The following ZMAT4 variants were observed in gnomAD, a reference collection of about 807,000 sequenced individuals.
ZMAT4 encodes the protein zinc finger matrin-type 4, also known as zinc finger matrin-type protein 4.
In ZMAT4, 17 loss-of-function variants were observed where a neutral mutation model predicts 28.7. The observed-to-expected ratio is 0.59, with a 90% CI of 0.41 to 0.89. The LOEUF is 0.89. Among genes scored for constraint, ZMAT4 ranks in the 40% least tolerant of loss-of-function variants. The pLI, the probability that ZMAT4 is intolerant of heterozygous loss-of-function variation, is 0.00. For missense variants in ZMAT4, 240 were observed against 283.8 expected (o/e 0.85, Z 1.11); for synonymous variants, 117 against 109.2 (o/e 1.07, Z -0.44).
At chr8:40,812,163 C>G (rs909369166) in intron 2 of ZMAT4, among the ~76,000 whole-genome samples, 5 of 152,066 alleles carry the variant, frequency 3.3e-5, no homozygotes, top group African/African-American at 1.2e-4. Context: ...TACATGCCTA[C>G]ATACACTGTG....
At chr8:40,769,511 T>C (rs972613437) in intron 2 of ZMAT4, among the ~76,000 whole-genome samples, 1 of 152,128 alleles carries the variant, frequency 6.6e-6, no homozygotes, top group Non-Finnish European at 1.5e-5. Context: ...ACTACTACAG[T>C]CAAAAGAATA....
At chr8:40,780,290 T>A (rs185943396) in intron 2 of ZMAT4, among the ~76,000 whole-genome samples, 39 of 152,244 alleles carry the variant, frequency 2.6e-4, no homozygotes, top group Admixed American at 6.5e-4. Flanking sequence ...CTGGCAAAAA[T>A]CATCTACCAC....
intron 5 of ZMAT4, among the ~76,000 whole-genome samples, chr8:40,596,431 CATTTT>C (rs1803129032): frequency 1.3e-5 from 2 of 152,184 alleles, no homozygotes; most frequent in African/African-American, 4.8e-5. Flanking sequence ...TGTACAAAAA[CATTTT>C]ATTTCCTTAT....
rs147913857 is a variant in ZMAT4, at chr8:40,683,986, T to C, written c.350-9055A>G. Among the ~76,000 whole-genome samples, 159 of 151,996 alleles carry C rather than the reference T, an allele frequency of 1.0e-3. 2 individuals are homozygous for C. The East Asian group carries it at 0.027, about 26-fold the overall frequency. On this transcript the variant is annotated intron_variant, in intron 4 of 6. Coordinates refer to ENST00000297737, the MANE Select transcript of ZMAT4 (RefSeq NM_024645.3). ...GAGGGGCTTAGATGGGAGGATTGCT[T>C]GATCCCATAAGGTCAAGGCTACAGT...
chr8:40,730,371 T>C (rs893898758), intron 3 of ZMAT4, among the ~76,000 whole-genome samples: 10 of 152,204 alleles, frequency 6.6e-5, no homozygotes, highest in African/African-American at 2.2e-4. Context: ...TGAAGATGAA[T>C]TGATTTAAAT....
At chr8:40,867,178 T>A (rs1817702151) in intron 1 of ZMAT4, among the ~76,000 whole-genome samples, 2 of 152,220 alleles carry the variant, frequency 1.3e-5, no homozygotes, top group South Asian at 4.1e-4. Flanking sequence ...ATCTTTTGGC[T>A]TTCTTGGGCC....
intron 5 of ZMAT4, among the ~76,000 whole-genome samples, chr8:40,649,021 G>C (rs909610325): frequency 7.0e-6 from 1 of 142,838 alleles, no homozygotes; most frequent in Non-Finnish European, 1.5e-5. Flanking sequence ...ATCAACTAAC[G>C]AGCAAAATAA....
chr8:40,776,166 C>G (rs1026476341), intron 2 of ZMAT4, among the ~76,000 whole-genome samples: 1 of 152,220 alleles, frequency 6.6e-6, no homozygotes, highest in Non-Finnish European at 1.5e-5. Flanking sequence ...TGGGGTCTTT[C>G]TTCTTCTACA....
At chr8:40,836,571 G>A (rs1157999595) in intron 1 of ZMAT4, among the ~76,000 whole-genome samples, 1 of 152,088 alleles carries the variant, frequency 6.6e-6, no homozygotes, top group Non-Finnish European at 1.5e-5. Flanking sequence ...GAATACAGAC[G>A]AATCATAGCA....
chr8:40,571,263 T>A (rs1043842678), intron 6 of ZMAT4, among the ~76,000 whole-genome samples: 1 of 151,238 alleles, frequency 6.6e-6, no homozygotes, highest in Non-Finnish European at 1.5e-5. Flanking sequence ...TTATAATGTA[T>A]CCCTAGGTAC....
At chr8:40,786,689 G>A (rs966484352) in intron 2 of ZMAT4, 7 of 1,288,088 alleles carry the variant, frequency 5.4e-6, no homozygotes, top group East Asian at 1.1e-4. Flanking sequence ...CCCAACTTAC[G>A]GGTCAGAATT....
intron 2 of ZMAT4, among the ~76,000 whole-genome samples, chr8:40,811,743 G>A (rs1002778299): frequency 2.0e-5 from 3 of 152,184 alleles, no homozygotes; most frequent in Non-Finnish European, 4.4e-5. Flanking sequence ...ACATGTAAAT[G>A]CAGGAACATG....
chr8:40,808,268 T>TC (rs398112416), intron 2 of ZMAT4, among the ~76,000 whole-genome samples: 3 of 151,978 alleles, frequency 2.0e-5, no homozygotes, highest in Non-Finnish European at 2.9e-5. Context: ...TAATTTTTTT[T>TC]CTTTAGATCA....
At chr8:40,715,277 G>C (rs1195728908) in intron 3 of ZMAT4, among the ~76,000 whole-genome samples, 1 of 152,044 alleles carries the variant, frequency 6.6e-6, no homozygotes, top group East Asian at 1.9e-4. Flanking sequence ...GATGAGCTCA[G>C]GCAGTGATGG....
chr8:40,711,320 G>A (rs1810609292), intron 3 of ZMAT4, among the ~76,000 whole-genome samples: 1 of 152,068 alleles, frequency 6.6e-6, no homozygotes, highest in Non-Finnish European at 1.5e-5. Flanking sequence ...GAAGAAAACA[G>A]CTTTGCAACC....
At chr8:40,568,726 G>C (rs1165072640) in intron 6 of ZMAT4, among the ~76,000 whole-genome samples, 1 of 152,054 alleles carries the variant, frequency 6.6e-6, no homozygotes, top group African/African-American at 2.4e-5. Flanking sequence ...CCATAATGAG[G>C]TATTTAAGTA....
intron 6 of ZMAT4, among the ~76,000 whole-genome samples, chr8:40,552,573 G>T (rs893383824): frequency 5.9e-5 from 9 of 152,096 alleles, no homozygotes; most frequent in African/African-American, 1.9e-4. Flanking sequence ...GTTCTGTTTT[G>T]CCAGAGACAT....
At chr8:40,700,463 G>A (rs1187646942) in intron 3 of ZMAT4, among the ~76,000 whole-genome samples, 2 of 140,882 alleles carry the variant, frequency 1.4e-5, no homozygotes, top group Non-Finnish European at 3.0e-5. Context: ...TGTCACTCAG[G>A]CTGGAGTGCA....
chr8:40,538,850 A>G (rs1802932169), intron 6 of ZMAT4, among the ~76,000 whole-genome samples: 1 of 151,896 alleles, frequency 6.6e-6, no homozygotes, highest in East Asian at 1.9e-4. Flanking sequence ...CAGTGGCACC[A>G]TCTCAGCTCA....
Sources: gnomAD v4.1 joint callset for allele counts (sites outside exome capture counted in the v4.1 genomes callset) on GRCh38, gnomAD v4.1.1 for gene constraint, MANE v1.5 for transcripts, NCBI Gene and HGNC (gene_info 2026-07-23, HGNC 2026-07-21) for gene names.